The following XPNPEP3 variants were observed in gnomAD, a reference collection of about 807,000 sequenced individuals.
XPNPEP3 encodes the protein xaa-Pro aminopeptidase 3.
In XPNPEP3, 41 loss-of-function variants were observed where a neutral mutation model predicts 60.0. The ratio of observed to expected loss-of-function variants is 0.68; its 90% CI spans 0.53 to 0.89. The LOEUF (loss-of-function observed/expected upper bound fraction) is 0.89, where lower values mean the gene tolerates loss of function less well. XPNPEP3 is among the 40% of genes least tolerant of loss of function. XPNPEP3 has a pLI of 0.00. For synonymous variants in XPNPEP3, 212 were observed against 223.2 expected, an observed-to-expected ratio of 0.95 and a Z score of 0.45; for missense variants, 598 against 638.9, an observed-to-expected ratio of 0.94 and a Z score of 0.69.
chr22:40,915,807 A>G (rs2058194112), intron 7 of XPNPEP3, among the ~76,000 whole-genome samples: 1 of 152,180 alleles, frequency 6.6e-6, no homozygotes, highest in South Asian at 2.1e-4. Flanking sequence ...TGATTACTGA[A>G]CTATGTGTTC....
chr22:40,924,267 G>A, intron 8 of XPNPEP3, 95 bp from the exon 9 acceptor site: 3 of 1,549,626 alleles, frequency 1.9e-6, no homozygotes, highest in Non-Finnish European at 2.7e-6. Context: ...AACCATGGGG[G>A]AGATAATAAC....
intron 1 of XPNPEP3, chr22:40,860,733 A>C (rs531420664): frequency 1.2e-6 from 1 of 839,578 alleles, no homozygotes; most frequent in East Asian, 2.8e-5. Flanking sequence ...TTACACTGCA[A>C]CCTATGTCTT....
At chr22:40,891,179 CAAAAAAAA>C (rs989825018) in intron 4 of XPNPEP3, among the ~76,000 whole-genome samples, 3 of 43,948 alleles carry the variant, frequency 6.8e-5, no homozygotes, top group African/African-American at 2.8e-4. Flanking sequence ...CCCATTTCTA[CAAAAAAAA>C]AAAAAAAAAA....
chr22:40,862,019 G>C (rs763997641), intron 1 of XPNPEP3: 1 of 1,559,304 alleles, frequency 6.4e-7, no homozygotes, highest in Non-Finnish European at 8.6e-7. Context: ...TTGGAAGTGG[G>C]TGTGCTGGGT....
intron 1 of XPNPEP3, among the ~76,000 whole-genome samples, chr22:40,858,703 T>C (rs1460311827): frequency 6.6e-6 from 1 of 151,966 alleles, no homozygotes; most frequent in Non-Finnish European, 1.5e-5. Context: ...GGCTAATTTA[T>C]GTGTTTTTAG....
At chr22:40,892,931 C>T (rs2058093701) in intron 4 of XPNPEP3, among the ~76,000 whole-genome samples, 1 of 151,864 alleles carries the variant, frequency 6.6e-6, no homozygotes, top group Admixed American at 6.6e-5. Flanking sequence ...TCTTTTTACA[C>T]ATATTATAAC....
intron 1 of XPNPEP3, chr22:40,861,204 TC>T: frequency 6.2e-7 from 1 of 1,614,156 alleles, no homozygotes. Context: ...CTCATCATTG[TC>T]CACGAAAGTA....
chr22:40,857,263 C>T lies in XPNPEP3; in HGVS notation c.64+18C>T. 6.2e-7 allele frequency: 1 copy of T among 1,613,902 alleles called. No individual in the cohort carries two copies. The highest frequency in any genetic ancestry group is 1.3e-5 in the African/African-American group (1 of 75,046). On this transcript the variant is annotated intron_variant, in intron 1 of 9. Transcript: ENST00000357137. ...CCTCTCAGGTTAGACTCTTCTCCCACGGTCTCCTCCCATGGTGTCCCCTGG... is the reference window on the plus strand; with the variant it reads ...CCTCTCAGGTTAGACTCTTCTCCCATGGTCTCCTCCCATGGTGTCCCCTGG...
rs80203902 is a variant in XPNPEP3, at chr22:40,885,647, C to T, written c.590-666C>T. ...TCTGTGTGCAATTATTCAACAAGTG[C>T]CTCTAGCTCAGTAAGTGGTGGTGAA... On this transcript the variant is annotated intron_variant, in intron 3 of 9. Transcript: ENST00000357137. 8.5e-3 allele frequency among the ~76,000 whole-genome samples: 1,296 copies of T among 152,232 alleles called. 19 individuals are homozygous for T. The highest frequency in any genetic ancestry group is 0.03 in the African/African-American group (1,256 of 41,530).
chr22:40,922,749 T>TA (rs1395703333), intron 8 of XPNPEP3, among the ~76,000 whole-genome samples: 2 of 151,534 alleles, frequency 1.3e-5, no homozygotes, highest in Non-Finnish European at 3.0e-5. Context: ...CACACACATA[T>TA]ATATATACAC....
At chr22:40,865,701 G>T (rs1485758967) in intron 1 of XPNPEP3, among the ~76,000 whole-genome samples, 2 of 149,268 alleles carry the variant, frequency 1.3e-5, no homozygotes, top group Admixed American at 1.3e-4. Context: ...TGGGGGGCGG[G>T]GGGGCAGCGG....
chr22:40,870,336 A>G (rs1436206953), intron 2 of XPNPEP3: 2 of 252,270 alleles, frequency 7.9e-6, no homozygotes, highest in South Asian at 7.7e-5. Context: ...TATATTGTCA[A>G]GATAATGGCC....
intron 3 of XPNPEP3, 132 bp downstream of exon 3, chr22:40,882,309 G>A (rs1030727775): frequency 3.9e-6 from 4 of 1,033,256 alleles, no homozygotes; most frequent in African/African-American, 1.6e-5. Flanking sequence ...TGAAAGAAAT[G>A]TAAAGTCTTT....
intron 2 of XPNPEP3, among the ~76,000 whole-genome samples, chr22:40,877,632 G>A (rs1301823905): frequency 2.0e-5 from 3 of 152,158 alleles, no homozygotes; most frequent in Non-Finnish European, 2.9e-5. Flanking sequence ...CTAGGCTTTC[G>A]ATTGGCTCAA....
chr22:40,891,114 G>A (rs553595455), intron 4 of XPNPEP3, among the ~76,000 whole-genome samples: 8 of 150,210 alleles, frequency 5.3e-5, no homozygotes, highest in Non-Finnish European at 8.9e-5. Context: ...AGCCCAAGAC[G>A]GGTGGATCAC....
intron 6 of XPNPEP3, among the ~76,000 whole-genome samples, chr22:40,912,483 T>C (rs993429217): frequency 6.6e-6 from 1 of 152,240 alleles, no homozygotes; most frequent in Non-Finnish European, 1.5e-5. Flanking sequence ...CTACTTTTTA[T>C]TTATAGTTAT....
intron 4 of XPNPEP3, among the ~76,000 whole-genome samples, chr22:40,895,847 C>T (rs982310682): frequency 3.3e-5 from 5 of 152,082 alleles, no homozygotes; most frequent in African/African-American, 9.7e-5. Context: ...CAGACAGTAT[C>T]GTACACTGTC....
At chr22:40,922,825 A>G (rs1204789581) in intron 8 of XPNPEP3, among the ~76,000 whole-genome samples, 1 of 152,176 alleles carries the variant, frequency 6.6e-6, no homozygotes, top group Non-Finnish European at 1.5e-5. Context: ...AGATTTAGAA[A>G]TCATCTTTGT....
At chr22:40,865,054 G>A (rs1019019330) in intron 1 of XPNPEP3, among the ~76,000 whole-genome samples, 1 of 152,170 alleles carries the variant, frequency 6.6e-6, no homozygotes, top group Admixed American at 6.5e-5. Flanking sequence ...TGTTTCTGCA[G>A]TTATACCCTT....
Sources: allele counts gnomAD v4.1 joint callset (sites outside exome capture counted in the v4.1 genomes callset), GRCh38; gene constraint gnomAD v4.1.1; transcripts MANE v1.5; gene names NCBI Gene and HGNC (gene_info 2026-07-23, HGNC 2026-07-21).